NCKAP5: variants seen among roughly 807,000 people sequenced by gnomAD.
The protein encoded by NCKAP5 is NCK associated protein 5, also known as nck-associated protein 5.
NCKAP5 carries 92 observed loss-of-function variants against 167.0 expected under a neutral mutation model. The observed-to-expected ratio is 0.55, with a 90% CI of 0.47 to 0.66. NCKAP5 has a LOEUF of 0.66. NCKAP5 is among the 30% of genes least tolerant of loss of function. The pLI, the probability that NCKAP5 is intolerant of heterozygous loss-of-function variation, is 0.00. For missense variants in NCKAP5, 2,378 were observed against 2,315.0 expected (o/e 1.03, Z -0.56); for synonymous variants, 891 against 877.4 (o/e 1.02, Z -0.27).
intron 5 of NCKAP5, among the ~76,000 whole-genome samples, chr2:133,185,338 G>C (rs1394558812): frequency 6.6e-6 from 1 of 152,094 alleles, no homozygotes; most frequent in East Asian, 1.9e-4. Context: ...TTTTGCACCA[G>C]TACCACGGTG....
intron 4 of NCKAP5, among the ~76,000 whole-genome samples, chr2:133,299,423 A>G (rs1680196517): frequency 6.6e-6 from 1 of 152,050 alleles, no homozygotes; most frequent in African/African-American, 2.4e-5. Flanking sequence ...GTACAGAGAG[A>G]GCACTCTCCC....
the NCKAP5 span, among the ~76,000 whole-genome samples, chr2:133,593,061 T>G: frequency 5.9e-5 from 9 of 152,294 alleles, no homozygotes; most frequent in African/African-American, 2.2e-4. Flanking sequence ...CTGAGGAAGA[T>G]CCAATAGTTC....
At chr2:133,109,557 T>G (rs28609125) in intron 6 of NCKAP5, among the ~76,000 whole-genome samples, 1 of 152,206 alleles carries the variant, frequency 6.6e-6, no homozygotes, top group Non-Finnish European at 1.5e-5. Flanking sequence ...TGCTCTATTT[T>G]ATTTATAATT....
At chr2:133,184,257 G>T (rs575110334) in intron 5 of NCKAP5, among the ~76,000 whole-genome samples, 280 of 152,156 alleles carry the variant, frequency 1.8e-3, no homozygotes, top group African/African-American at 6.6e-3. Flanking sequence ...TATGATAATG[G>T]CCTCCAGCTC....
chr2:133,576,446 T>TATTC, the NCKAP5 span, among the ~76,000 whole-genome samples: 1 of 152,246 alleles, frequency 6.6e-6, no homozygotes, highest in African/African-American at 2.4e-5. Flanking sequence ...TGAATGTGCT[T>TATTC]ATTCATTCAC....
At chr2:133,131,553 A>G (rs1279990843) in intron 5 of NCKAP5, among the ~76,000 whole-genome samples, 3 of 152,220 alleles carry the variant, frequency 2.0e-5, no homozygotes, top group South Asian at 2.1e-4. Context: ...TGCTGGAAAT[A>G]TATTTGTTTA....
intron 6 of NCKAP5, among the ~76,000 whole-genome samples, chr2:133,058,225 A>C (rs1321023942): frequency 6.6e-6 from 1 of 152,234 alleles, no homozygotes; most frequent in African/African-American, 2.4e-5. Flanking sequence ...AATTGTTTTC[A>C]CACCTGTTAA....
chr2:133,591,627 CACAAA>C, the NCKAP5 span, among the ~76,000 whole-genome samples: 3 of 152,130 alleles, frequency 2.0e-5, no homozygotes, highest in Non-Finnish European at 4.4e-5. Context: ...GCTTGGGCGG[CACAAA>C]ACAAAACAAA....
chr2:133,593,169 ACTT>A, the NCKAP5 span, among the ~76,000 whole-genome samples: 1 of 152,198 alleles, frequency 6.6e-6, no homozygotes, highest in Non-Finnish European at 1.5e-5. Context: ...ACCCAGAACT[ACTT>A]CTTTAAAATT....
chr2:133,248,973 T>G lies in NCKAP5; in HGVS notation c.144-35194A>C, dbSNP rs571815463. Among the ~76,000 whole-genome samples, 6 of 152,190 alleles carry G rather than the reference T, an allele frequency of 3.9e-5. No homozygotes were observed. The South Asian group carries it at 1.0e-3, about 26-fold the overall frequency. ...TTTCTTGGTATCTTACTTTTAAATT[T>G]GTTTTTCTTGCTCAGCGTCTGCCAG... On this transcript the variant is annotated intron_variant, in intron 4 of 19. Coordinates refer to ENST00000409261, the MANE Select transcript of NCKAP5 (RefSeq NM_207363.3).
chr2:133,436,478 C>A (rs1057349946), intron 3 of NCKAP5, among the ~76,000 whole-genome samples: 1 of 152,274 alleles, frequency 6.6e-6, no homozygotes, highest in African/African-American at 2.4e-5. Flanking sequence ...GTCCACTCTG[C>A]CTAAACCCTT....
At chr2:132,804,872 C>T (rs1009111313) in intron 11 of NCKAP5, among the ~76,000 whole-genome samples, 1 of 151,902 alleles carries the variant, frequency 6.6e-6, no homozygotes, top group African/African-American at 2.4e-5. Context: ...TGTCCCAGAC[C>T]TGCTTCCTTC....
At chr2:133,033,091 T>C (rs1175576089) in intron 6 of NCKAP5, among the ~76,000 whole-genome samples, 2 of 152,214 alleles carry the variant, frequency 1.3e-5, no homozygotes, top group East Asian at 3.8e-4. Flanking sequence ...ACCTGCACAG[T>C]CTTAGTGGTG....
chr2:133,448,829 G>A (rs1559492733), intron 3 of NCKAP5, among the ~76,000 whole-genome samples: 2 of 151,876 alleles, frequency 1.3e-5, no homozygotes, highest in South Asian at 2.1e-4. Flanking sequence ...TTCTATGGAC[G>A]AGGTCTCACC....
chr2:133,248,878 T>C lies in NCKAP5; in HGVS notation c.144-35099A>G, dbSNP rs190774795. On this transcript the variant is annotated intron_variant, in intron 4 of 19. Coordinates refer to ENST00000409261, the MANE Select transcript of NCKAP5 (RefSeq NM_207363.3). ...TCCTTCCTTCCTGAGTTCCAATTTATCACATCTTATCCTGAGAAAAATCAT... is the reference window on the plus strand; with the variant it reads ...TCCTTCCTTCCTGAGTTCCAATTTACCACATCTTATCCTGAGAAAAATCAT... Among the ~76,000 whole-genome samples, 450 of 152,320 alleles carry C rather than the reference T, an allele frequency of 3.0e-3. 2 individuals carry two copies. The highest frequency in any genetic ancestry group is 9.9e-3 in the African/African-American group (413 of 41,570).
At chr2:133,439,915 T>G (rs1574958410) in intron 3 of NCKAP5, among the ~76,000 whole-genome samples, 2 of 152,240 alleles carry the variant, frequency 1.3e-5, no homozygotes. Context: ...ATACTGGGAC[T>G]GTCCAGGAGC....
intron 6 of NCKAP5, among the ~76,000 whole-genome samples, chr2:133,058,237 A>G (rs541616827): frequency 6.6e-6 from 1 of 152,224 alleles, no homozygotes; most frequent in Non-Finnish European, 1.5e-5. Flanking sequence ...ACCTGTTAAT[A>G]CAACATCCAT....
At chr2:132,738,774 G>A (rs1691757262) in intron 16 of NCKAP5, among the ~76,000 whole-genome samples, 2 of 151,974 alleles carry the variant, frequency 1.3e-5, no homozygotes, top group Admixed American at 1.3e-4. Flanking sequence ...GGAAGGCAAG[G>A]GGGGCTGGTG....
rs569528782 is a variant in NCKAP5, at chr2:133,104,766, C to T, written c.341+25212G>A. ...CATTTCACTCACTCTGGTGCTCCTT[C>T]AGCTGTTTCCTTTAGGACTTTTAAG... On this transcript the variant is annotated intron_variant, in intron 6 of 19. Coordinates refer to ENST00000409261, the MANE Select transcript of NCKAP5 (RefSeq NM_207363.3). Among the ~76,000 whole-genome samples the T allele has an allele frequency of 2.0e-5, 3 of 152,336 alleles. No homozygotes were observed. The South Asian group carries it at 6.2e-4, about 32-fold the overall frequency.
Sources: gnomAD v4.1 joint callset for allele counts (sites outside exome capture counted in the v4.1 genomes callset) on GRCh38, gnomAD v4.1.1 for gene constraint, MANE v1.5 for transcripts, NCBI Gene and HGNC (gene_info 2026-07-23, HGNC 2026-07-21) for gene names.